Variants in GPSM1 observed in about 807,000 individuals in gnomAD.
GPSM1 encodes G protein-signaling modulator 1.
A neutral mutation model predicts 70.5 loss-of-function variants in GPSM1; 48 were observed. The ratio of observed to expected loss-of-function variants is 0.68; its 90% CI spans 0.54 to 0.87. GPSM1 has a LOEUF of 0.87. GPSM1 is among the 40% of genes least tolerant of loss of function. GPSM1 has a pLI of 0.00. For missense variants in GPSM1, 981 were observed against 972.6 expected (o/e 1.01, Z -0.11); for synonymous variants, 416 against 430.1 (o/e 0.97, Z 0.41).
rs782579797 is a variant in GPSM1 at position 136,355,831 on chromosome 9, C to G, written c.1597C>G (p.Leu533Val). 7 of 1,610,120 alleles carry G rather than the reference C, an allele frequency of 4.3e-6. No individual in the cohort carries two copies. Among genetic ancestry groups the G allele is most frequent in the South Asian group, 3.3e-5 (3 of 90,930 alleles). The change falls in exon 12 of 14, where the codon CTG (leucine) becomes GTG (valine). Residue 533 changes from leucine (L) to valine (V), a missense_variant. Leu to Val is a conservative substitution (Grantham distance 32). Transcript: ENST00000440944. ...TGCCGAGGCCACGGCCGCCCCCACC[C>G]TGGAGGACAGGATCGGTGAGTGCCC... ...GAAEATAAPTLEDRIAQPSMT... is the reference protein window; with the variant it reads ...GAAEATAAPTVEDRIAQPSMT...
chr9:136,340,952 C>T lies in GPSM1; in HGVS notation c.1166C>T (p.Ala389Val). 2 of 1,563,778 alleles carry T rather than the reference C, an allele frequency of 1.3e-6. No homozygotes were observed. The highest frequency in any genetic ancestry group is 1.9e-5 in the Admixed American group (1 of 52,946). The change falls in exon 9 of 14, where the codon GCA (alanine) becomes GTA (valine). Residue 389 changes from alanine to valine, a missense_variant. Physicochemically the swap from Ala to Val is moderately conservative, Grantham distance 64 (BLOSUM62 0). Transcript: ENST00000440944. The surrounding 1 kb of genome is among the most constrained non-coding windows in gnomAD (Gnocchi z 7.3). ...GTGCTCGGCCGCCTGACCAGCCCGG[C>T]AGCCTCAGAGAAGCCTGACCTGGCC... ...QLVLGRLTSP[A>V]ASEKPDLAGY...
chr9:136,350,155 C>T (rs1460809951), intron 11 of GPSM1, among the ~76,000 whole-genome samples: 3 of 152,340 alleles, frequency 2.0e-5, no homozygotes, highest in South Asian at 2.1e-4. Context: ...TTTGTTGGGA[C>T]CCTCCAGACC....
chr9:136,355,716 C>G lies in GPSM1; in HGVS notation c.1482C>G (p.Asp494Glu). Residue 494 changes from aspartate to glutamate, a missense_variant, in exon 12 of 14, where the codon GAC becomes GAG. Transcript: ENST00000440944. ...RTSIPRAPSS[D>E]EECFFDLLTK... ...GCATCCCGAGGGCCCCGTCTTCGGA[C>G]GAGGAGTGCTTCTTTGACCTGTTGA... The G allele has an allele frequency of 1.9e-6, 3 of 1,612,318 alleles. No homozygotes were observed. The highest frequency in any genetic ancestry group is 2.5e-6 in the Non-Finnish European group (3 of 1,179,500).
At chr9:136,347,731 T>G (rs1023736288) in intron 9 of GPSM1, among the ~76,000 whole-genome samples, 3,946 of 59,366 alleles carry the variant, frequency 0.066, 63 homozygotes, top group Middle Eastern at 0.14. Flanking sequence ...TTCCATCCCA[T>G]TTTTTCCGTT....
At position 136,356,329 on chromosome 9, in the gene GPSM1, T is replaced by C. The variant is rs1393098973; in HGVS notation, c.1613-13T>C. The C allele has an allele frequency of 3.2e-6, 5 of 1,549,764 alleles. No homozygotes were observed. Among genetic ancestry groups the C allele is most frequent in the Non-Finnish European group, 4.4e-6 (5 of 1,146,762 alleles). ...GCACTGGGTCCCAGGTCTCACCCTCTGGCCCCCCGCAGCCCAGCCCTCGAT... is the reference window on the plus strand; with the variant it reads ...GCACTGGGTCCCAGGTCTCACCCTCCGGCCCCCCGCAGCCCAGCCCTCGAT... On this transcript the variant is annotated splice_polypyrimidine_tract_variant and intron_variant, in intron 12 of 13. Coordinates refer to ENST00000440944, the MANE Select transcript of GPSM1 (RefSeq NM_001145638.3).
rs1338681722 is a variant in GPSM1, at chr9:136,342,533, C to A, written c.1207+1540C>A. ...GTCCTCCTCCCCGCCCAGGGCAGCC[C>A]GGCAGCCTGGCTGGGGCCGCCGCCC... On this transcript the variant is annotated intron_variant, in intron 9 of 13. Transcript: ENST00000440944. The surrounding 1 kb of genome is among the most constrained non-coding windows in gnomAD (Gnocchi z 5.5). 6.6e-6 allele frequency among the ~76,000 whole-genome samples: 1 copy of A among 152,080 alleles called. No individual in the cohort carries two copies. Among genetic ancestry groups the A allele is most frequent in the Non-Finnish European group, 1.5e-5 (1 of 67,990 alleles).
At chr9:136,344,188 G>C (rs1228983259) in intron 9 of GPSM1, among the ~76,000 whole-genome samples, 3 of 144,310 alleles carry the variant, frequency 2.1e-5, no homozygotes, top group African/African-American at 7.7e-5. Flanking sequence ...GGACAGGAGC[G>C]GGGGGAGGCG....
rs1554770441 is a variant in GPSM1, at chr9:136,342,257, G to A, written c.1207+1264G>A. ...TAGTACCCTCCTGTGTCCCTGGCTC[G>A]GCACTGCCACCATCTGGGACCCCAG... On this transcript the variant is annotated intron_variant, in intron 9 of 13. Transcript: ENST00000440944. The surrounding 1 kb of genome is among the most constrained non-coding windows in gnomAD (Gnocchi z 5.5). Among the ~76,000 whole-genome samples the A allele has an allele frequency of 6.6e-6, 1 of 152,112 alleles. No homozygotes were observed. Among genetic ancestry groups the A allele is most frequent in the Non-Finnish European group, 1.5e-5 (1 of 68,024 alleles).
intron 10 of GPSM1, 152 bp from the exon 11 acceptor site, chr9:136,349,435 C>A: frequency 1.4e-6 from 1 of 694,860 alleles, no homozygotes. Flanking sequence ...AGCCAAGGGC[C>A]CACAGCCCCA....
At position 136,357,650 on chromosome 9, in the gene GPSM1, C is replaced by T. The variant is rs564348214; in HGVS notation, c.1822-364C>T. On this transcript the variant is annotated intron_variant, in intron 13 of 13. Coordinates refer to ENST00000440944, the MANE Select transcript of GPSM1 (RefSeq NM_001145638.3). ...TGGTTTCCAGGGCTGGGCAGAGGGA[C>T]GGCCACGCATGCCCGTCCCTGGGGA... 7.9e-5 allele frequency among the ~76,000 whole-genome samples: 12 copies of T among 152,310 alleles called. No homozygotes were observed. In the East Asian group the frequency reaches 9.6e-4, roughly 12 times the overall value.
chr9:136,335,620 C>G (rs1554769092), intron 2 of GPSM1, among the ~76,000 whole-genome samples: 1 of 152,144 alleles, frequency 6.6e-6, no homozygotes, highest in Non-Finnish European at 1.5e-5. Flanking sequence ...ATCAGGCCCC[C>G]CAAGTCCTCC....
intron 9 of GPSM1, among the ~76,000 whole-genome samples, chr9:136,346,130 C>T (rs1832517054): frequency 1.3e-5 from 2 of 152,226 alleles, no homozygotes; most frequent in Admixed American, 1.3e-4. Context: ...CCACGTGTGC[C>T]TCTGGCCGCA....
In GPSM1 at chr9:136,345,535, C is replaced by T. The variant is rs553233295; in HGVS notation, c.1208-3162C>T. ...CTGTGTCTCAGAAGAGCATTTCAGC[C>T]GCTGCTGCAGCCAGGGCCCATCCAT... is the stretch of plus-strand genomic sequence containing the variant. On this transcript the variant is annotated intron_variant, in intron 9 of 13. Transcript: ENST00000440944. 8.5e-5 allele frequency among the ~76,000 whole-genome samples: 13 copies of T among 152,352 alleles called. No homozygotes were observed. In the South Asian group the frequency reaches 1.9e-3, roughly 22 times the overall value.
chr9:136,348,851 C>T (rs139584534), intron 10 of GPSM1, 84 bp downstream of exon 10: 2 of 980,462 alleles, frequency 2.0e-6, no homozygotes, highest in Middle Eastern at 2.1e-4. Context: ...GCCACCGCCA[C>T]CCACCTCAGC....
chr9:136,328,877 G>A (rs1362859717), intron 1 of GPSM1, among the ~76,000 whole-genome samples: 5 of 152,234 alleles, frequency 3.3e-5, no homozygotes, highest in South Asian at 2.1e-4. Context: ...GGTTTCCTCC[G>A]CTGATCTGAT....
At chr9:136,328,844 G>A (rs1294512900) in intron 1 of GPSM1, among the ~76,000 whole-genome samples, 1 of 152,220 alleles carries the variant, frequency 6.6e-6, no homozygotes, top group Non-Finnish European at 1.5e-5. Context: ...GCTGCCAGGG[G>A]CCTGCCCTAA....
chr9:136,327,708 GC>G lies in GPSM1; in HGVS notation c.17del (p.Pro6ArgfsTer24). The G allele has an allele frequency of 2.6e-6, 3 of 1,160,336 alleles. No individual in the cohort carries two copies. The highest frequency in any genetic ancestry group is 2.1e-6 in the Non-Finnish European group (2 of 943,358). 71.9% of individuals were successfully genotyped at this position (1,160,336 alleles called of 1,614,324 possible). A position where few individuals can be genotyped will look rare whatever the true frequency, so the allele number is the denominator to read the frequency against. ...GCGTCCCCGACCCATGGCGGGCCCG[GC>G]CCCGCCCGCGGCCGACGAGCTCCCG... MAGP[A>X]PPAADELPGP... On this transcript the variant is annotated frameshift_variant, in exon 1 of 14. Transcript: ENST00000440944. LOFTEE classifies it high-confidence loss of function.
rs1588713506 is a variant in GPSM1 at position 136,358,313 on chromosome 9, A to T, written c.*93A>T. ...CGTCCTCCCGAGGCCATTGCCGAGG[A>T]CAGGCACTGGGCATGCAGCCCCACG... On this transcript the variant is annotated 3_prime_UTR_variant, in exon 14 of 14. Coordinates refer to ENST00000440944, the MANE Select transcript of GPSM1 (RefSeq NM_001145638.3). The T allele has an allele frequency of 6.0e-5, 70 of 1,170,992 alleles. No individual in the cohort carries two copies. In the East Asian group the frequency reaches 1.8e-3, roughly 30 times the overall value. The allele number at this position is 1,170,992 out of a possible 1,614,324, so 72.5% of individuals were successfully genotyped here.
chr9:136,351,095 C>A (rs954743912), intron 11 of GPSM1, among the ~76,000 whole-genome samples: 1 of 152,166 alleles, frequency 6.6e-6, no homozygotes, highest in Non-Finnish European at 1.5e-5. Context: ...ATTGTTCTTC[C>A]GTGGGCACCA....
Sources: allele counts gnomAD v4.1 joint callset (sites outside exome capture counted in the v4.1 genomes callset), GRCh38; gene constraint gnomAD v4.1.1; non-coding constraint Gnocchi (gnomAD v3.1); transcripts MANE v1.5; gene names NCBI Gene and HGNC (gene_info 2026-07-23, HGNC 2026-07-21).